Variants in PID1 observed in about 807,000 individuals in gnomAD.
PID1 encodes phosphotyrosine interaction domain containing 1.
PID1 carries 10 observed loss-of-function variants against 19.1 expected under a neutral mutation model. That is an observed-to-expected ratio of 0.52 (90% CI 0.32 to 0.89). The LOEUF is 0.89. PID1 is among the 40% of genes least tolerant of loss of function. The probability of loss-of-function intolerance (pLI) is 0.03; values close to 1 mark genes in which losing one functional copy is unlikely to be tolerated. For missense variants in PID1, 248 were observed against 285.3 expected (o/e 0.87, Z 0.94); for synonymous variants, 130 against 116.0 (o/e 1.12, Z -0.78).
chr2:229,191,278 A>C (rs1162320728), intron 1 of PID1, among the ~76,000 whole-genome samples: 1 of 152,210 alleles, frequency 6.6e-6, no homozygotes, highest in Non-Finnish European at 1.5e-5. Context: ...AAGTGGGCTA[A>C]AGGAAAGTGT....
chr2:229,122,374 G>A (rs572623501), intron 2 of PID1, among the ~76,000 whole-genome samples: 11 of 152,300 alleles, frequency 7.2e-5, no homozygotes, highest in African/African-American at 1.2e-4. Context: ...GAAAAGTCCA[G>A]GGGCATTGCA....
chr2:229,159,197 T>C (rs902856216), intron 1 of PID1, among the ~76,000 whole-genome samples: 11 of 152,164 alleles, frequency 7.2e-5, no homozygotes, highest in African/African-American at 2.4e-4. Context: ...GCTCATCTCA[T>C]ATAAGGGCAG....
chr2:229,070,017 G>A (rs1385964028), intron 2 of PID1, among the ~76,000 whole-genome samples: 5 of 152,168 alleles, frequency 3.3e-5, no homozygotes, highest in East Asian at 1.9e-4. Context: ...TTTATTGGTC[G>A]CCTGCTAGGA....
rs775977422 is a variant in PID1 at position 229,271,230 on chromosome 2, G to A, written c.-187C>T. On this transcript the variant is annotated 5_prime_UTR_variant, in exon 1 of 3. Coordinates refer to ENST00000392055, the MANE Select transcript of PID1 (RefSeq NM_001100818.2). ...GGAGGAGGCGCGGCGCTCAGCTGCC[G>A]GCAACTTGTGGGCACGGCCGCGCGC... 4 of 529,424 alleles carry A rather than the reference G, an allele frequency of 7.6e-6. No individual in the cohort carries two copies. Among genetic ancestry groups the A allele is most frequent in the African/African-American group, 4.1e-5 (2 of 49,136 alleles). The allele number at this position is 529,424 out of a possible 1,614,324, so 32.8% of individuals were successfully genotyped here.
rs532434243 is a variant in PID1 at position 229,118,227 on chromosome 2, T to C, written c.177+37591A>G. ...CATCCATCTCTTTTTATCCTCCAAATGTAGACACAGAATAATGACAGGAAA... is the reference window on the plus strand; with the variant it reads ...CATCCATCTCTTTTTATCCTCCAAACGTAGACACAGAATAATGACAGGAAA... On this transcript the variant is annotated intron_variant, in intron 2 of 2. Transcript: ENST00000392055. Among the ~76,000 whole-genome samples the C allele has an allele frequency of 2.0e-4, 31 of 152,328 alleles. No individual in the cohort carries two copies. In the South Asian group the frequency reaches 3.1e-3, roughly 15 times the overall value.
chr2:229,197,813 G>A (rs545080011), intron 1 of PID1, among the ~76,000 whole-genome samples: 1 of 152,032 alleles, frequency 6.6e-6, no homozygotes, highest in East Asian at 1.9e-4. Context: ...TTCAAGCAAT[G>A]GAATGTTGAT....
chr2:229,130,824 C>T (rs1389589563), intron 2 of PID1, among the ~76,000 whole-genome samples: 1 of 152,184 alleles, frequency 6.6e-6, no homozygotes. Flanking sequence ...TATTTTCTCA[C>T]AGTTCTGGAG....
chr2:229,106,530 C>T (rs1022605110), intron 2 of PID1, among the ~76,000 whole-genome samples: 1 of 152,174 alleles, frequency 6.6e-6, no homozygotes. Context: ...ACAATTAGGT[C>T]ATGAGAGTGG....
At chr2:229,242,855 A>C (rs139898897) in intron 1 of PID1, among the ~76,000 whole-genome samples, 3 of 151,532 alleles carry the variant, frequency 2.0e-5, no homozygotes, top group Admixed American at 6.6e-5. Flanking sequence ...ATACTCTTTC[A>C]CTCTAGTCCT....
At chr2:229,269,282 G>A (rs1394960426) in intron 1 of PID1, among the ~76,000 whole-genome samples, 1 of 152,208 alleles carries the variant, frequency 6.6e-6, no homozygotes, top group Non-Finnish European at 1.5e-5. Context: ...CCAGGCTCAC[G>A]CCAAAATGCA....
chr2:229,111,450 T>C (rs1280183832), intron 2 of PID1, among the ~76,000 whole-genome samples: 1 of 152,210 alleles, frequency 6.6e-6, no homozygotes, highest in African/African-American at 2.4e-5. Flanking sequence ...AAACATATAG[T>C]AATATTGTTC....
At chr2:229,123,939 A>G (rs1005604392) in intron 2 of PID1, among the ~76,000 whole-genome samples, 2 of 152,074 alleles carry the variant, frequency 1.3e-5, no homozygotes, top group Admixed American at 1.3e-4. Context: ...ATTTGCAAAT[A>G]TTTTCTTCAA....
At chr2:229,086,016 T>C (rs1196249593) in intron 2 of PID1, among the ~76,000 whole-genome samples, 2 of 152,274 alleles carry the variant, frequency 1.3e-5, no homozygotes, top group Admixed American at 1.3e-4. Flanking sequence ...GACCCTGTAA[T>C]ACATACCCTA....
chr2:229,069,143 T>TTGTGTG (rs61118908), intron 2 of PID1, among the ~76,000 whole-genome samples: 15,759 of 140,566 alleles, frequency 0.11, 1,232 homozygotes, highest in East Asian at 0.37. Flanking sequence ...AGAAGGGTTT[T>TTGTGTG]TGTGTGTGTG....
intron 1 of PID1, among the ~76,000 whole-genome samples, chr2:229,230,178 T>C (rs1372657869): frequency 6.6e-6 from 1 of 152,202 alleles, no homozygotes; most frequent in Non-Finnish European, 1.5e-5. Context: ...TAATTGTTTC[T>C]AATATGTTGT....
chr2:229,239,602 A>C (rs774815952), intron 1 of PID1, among the ~76,000 whole-genome samples: 3 of 152,124 alleles, frequency 2.0e-5, no homozygotes, highest in Non-Finnish European at 2.9e-5. Context: ...AAAGAAAAAA[A>C]TTTCACAATA....
At chr2:229,206,898 T>C (rs1691620985) in intron 1 of PID1, among the ~76,000 whole-genome samples, 1 of 152,202 alleles carries the variant, frequency 6.6e-6, no homozygotes. Context: ...TTTGTTAGAA[T>C]GCAGATTCTG....
At chr2:229,104,003 T>C (rs1445529760) in intron 2 of PID1, among the ~76,000 whole-genome samples, 2 of 152,208 alleles carry the variant, frequency 1.3e-5, no homozygotes, top group Admixed American at 1.3e-4. Context: ...GGACCATAGG[T>C]TGATGTTTCT....
chr2:229,181,269 C>T (rs561615978), intron 1 of PID1, among the ~76,000 whole-genome samples: 5 of 152,046 alleles, frequency 3.3e-5, no homozygotes, highest in African/African-American at 9.6e-5. Context: ...GATGAGGCCC[C>T]GAAGGGAGAA....
Sources: allele counts gnomAD v4.1 joint callset (sites outside exome capture counted in the v4.1 genomes callset), GRCh38; gene constraint gnomAD v4.1.1; transcripts MANE v1.5; gene names NCBI Gene and HGNC (gene_info 2026-07-23, HGNC 2026-07-21).